The following ALDH4A1 variants were observed in gnomAD, a reference collection of about 807,000 sequenced individuals.
The protein encoded by ALDH4A1 is aldehyde dehydrogenase 4 family member A1, also known as delta-1-pyrroline-5-carboxylate dehydrogenase, mitochondrial.
ALDH4A1 carries 46 observed loss-of-function variants against 70.5 expected under a neutral mutation model. The ratio of observed to expected loss-of-function variants is 0.65; its 90% CI spans 0.51 to 0.83. ALDH4A1 has a LOEUF of 0.83. ALDH4A1 is among the 40% of genes least tolerant of loss of function. The probability of loss-of-function intolerance (pLI) is 0.00; values close to 1 mark genes in which losing one functional copy is unlikely to be tolerated. For synonymous variants in ALDH4A1, 323 were observed against 324.3 expected, an observed-to-expected ratio of 1.00 and a Z score of 0.04; for missense variants, 749 against 766.5, an observed-to-expected ratio of 0.98 and a Z score of 0.27.
At chr1:18,884,865 G>A (rs142510303) in intron 5 of ALDH4A1, among the ~76,000 whole-genome samples, 4 of 152,214 alleles carry the variant, frequency 2.6e-5, no homozygotes, top group Non-Finnish European at 4.4e-5. Context: ...GCACGGAAGA[G>A]ACAGCAGGCA....
chr1:18,897,169 C>T lies in ALDH4A1; in HGVS notation c.62+5293G>A, dbSNP rs181443950. 6.3e-6 allele frequency: 3 copies of T among 477,656 alleles called. No individual in the cohort carries two copies. The East Asian group carries it at 2.0e-4, about 32-fold the overall frequency. The allele number at this position is 477,656 out of a possible 1,614,324, so 29.6% of individuals were successfully genotyped here. A position where few individuals can be genotyped will look rare whatever the true frequency, so the allele number is the denominator to read the frequency against. The stretch of plus-strand genomic sequence containing the variant: ...CGCTCAAAGGAAATGCTCATTGGAG[C>T]ATTTTGGACTTTGGAACTTGGGAGT... On this transcript the variant is annotated intron_variant, in intron 1 of 14. Coordinates refer to ENST00000375341, the MANE Select transcript of ALDH4A1 (RefSeq NM_003748.4).
intron 9 of ALDH4A1, 151 bp downstream of exon 9, chr1:18,879,149 T>A: frequency 1.4e-6 from 1 of 722,598 alleles, no homozygotes; most frequent in Non-Finnish European, 2.4e-6. Flanking sequence ...GCATCCCTCA[T>A]CACAAAAAGT....
In ALDH4A1 at chr1:18,890,736, G is replaced by A. The variant is rs1025597787; in HGVS notation, c.63-631C>T. On this transcript the variant is annotated intron_variant, in intron 1 of 14. Coordinates refer to ENST00000375341, the MANE Select transcript of ALDH4A1 (RefSeq NM_003748.4). ...AAACACACAGATGCAAAACCACGTT[G>A]AAGTATTTTCCACATGCAAAGCGTT... 20 of 985,550 alleles carry A rather than the reference G, an allele frequency of 2.0e-5. No individual in the cohort carries two copies. In the Admixed American group the frequency reaches 3.1e-4, roughly 15 times the overall value. The allele number at this position is 985,550 out of a possible 1,614,324, so 61.1% of individuals were successfully genotyped here.
At chr1:18,877,123 T>G in intron 11 of ALDH4A1, 85 bp downstream of exon 11, 1 of 1,524,478 alleles carries the variant, frequency 6.6e-7, no homozygotes, top group Admixed American at 1.9e-5. Flanking sequence ...ATGCCCTGGG[T>G]CAGGGTACCC....
intron 2 of ALDH4A1, 80 bp downstream of exon 2, chr1:18,889,932 G>A (rs917151338): frequency 3.6e-5 from 44 of 1,221,780 alleles, no homozygotes; most frequent in Middle Eastern, 4.1e-4. Flanking sequence ...CTGCAGGCAC[G>A]GGGCGCTATC....
At chr1:18,877,317 C>T (rs1934743710) in intron 10 of ALDH4A1, 62 bp from the exon 11 acceptor site, 1 of 1,564,176 alleles carries the variant, frequency 6.4e-7, no homozygotes, top group Non-Finnish European at 8.7e-7. Context: ...AGGGAGACCC[C>T]TCCCCGCACA....
At chr1:18,895,481 G>A (rs1418959885) in intron 1 of ALDH4A1, among the ~76,000 whole-genome samples, 1 of 152,190 alleles carries the variant, frequency 6.6e-6, no homozygotes, top group East Asian at 1.9e-4. Flanking sequence ...TGCAAGTACT[G>A]GGATCCGATC....
intron 5 of ALDH4A1, 32 bp downstream of exon 5, chr1:18,885,441 G>GGCCCCC: frequency 4.7e-6 from 2 of 423,744 alleles, no homozygotes; most frequent in South Asian, 2.9e-5. Flanking sequence ...ACCCCACCCC[G>GGCCCCC]CCCCACCCAC....
intron 1 of ALDH4A1, among the ~76,000 whole-genome samples, chr1:18,893,463 G>A (rs1445432880): frequency 6.6e-6 from 1 of 152,068 alleles, no homozygotes; most frequent in African/African-American, 2.4e-5. Context: ...CATGATCCTG[G>A]AAAGCGTCAC....
At chr1:18,882,212 C>A (rs1455833991) in intron 7 of ALDH4A1, among the ~76,000 whole-genome samples, 2 of 152,328 alleles carry the variant, frequency 1.3e-5, no homozygotes, top group Non-Finnish European at 2.9e-5. Flanking sequence ...CCGGGCGCGG[C>A]GGGGCAAGTA....
At chr1:18,887,427 C>G (rs34527859) in intron 3 of ALDH4A1, among the ~76,000 whole-genome samples, 19,981 of 152,146 alleles carry the variant, frequency 0.13, 1,475 homozygotes, top group African/African-American at 0.17. Flanking sequence ...GTGAAACCCT[C>G]TCTCTACTAA....
chr1:18,878,945 T>A (rs888963427), intron 9 of ALDH4A1, among the ~76,000 whole-genome samples: 3 of 152,218 alleles, frequency 2.0e-5, no homozygotes, highest in African/African-American at 7.2e-5. Context: ...GGTCTCTGCA[T>A]TTGCACTTGC....
intron 14 of ALDH4A1, among the ~76,000 whole-genome samples, chr1:18,874,182 A>G (rs1934569553): frequency 6.6e-6 from 1 of 152,178 alleles, no homozygotes; most frequent in African/African-American, 2.4e-5. Context: ...GACTTAAGGG[A>G]CACTGGCTAT....
Position 18,902,463 on chromosome 1 carries a change from C to A in ALDH4A1, c.61G>T (p.Gly21Cys). The change falls in exon 1 of 15, where the codon GGC becomes TGC. Residue 21 changes from glycine (G) to cysteine (C), a missense_variant and splice_region_variant. Physicochemically the swap from Gly to Cys is radical, Grantham distance 159. Transcript: ENST00000375341. ...GCCCCGGGCCCCGTGCTCACTCACC[C>A]GGCCCCGGTCCAGGGGCGGGACAGC... The part of the protein sequence containing the change: ...ALLSRPWTGA[G>C]LRWKHTSSLK... 7.2e-7 allele frequency: 1 copy of A among 1,394,046 alleles called. No homozygotes were observed. Among genetic ancestry groups the A allele is most frequent in the Non-Finnish European group, 9.3e-7 (1 of 1,074,186 alleles). The allele number at this position is 1,394,046 out of a possible 1,614,324, so 86.4% of individuals were successfully genotyped here. A position where few individuals can be genotyped will look rare whatever the true frequency, so the allele number is the denominator to read the frequency against.
intron 7 of ALDH4A1, chr1:18,882,788 G>C (rs1344865946): frequency 5.1e-6 from 3 of 592,420 alleles, no homozygotes; most frequent in Non-Finnish European, 6.5e-6. Flanking sequence ...CACTCAGCCA[G>C]CTCCGGGCCA....
At chr1:18,896,474 A>G (rs1473437220) in intron 1 of ALDH4A1, among the ~76,000 whole-genome samples, 1 of 152,220 alleles carries the variant, frequency 6.6e-6, no homozygotes, top group Non-Finnish European at 1.5e-5. Flanking sequence ...TCTTTGCTTC[A>G]TGCAGCCTCC....
rs1000686385 is a variant in ALDH4A1 at position 18,880,108 on chromosome 1, A to G, written c.867-735T>C. ...GAGCCCAGGGGCCCGTGGCTGGCAG[A>G]GCAGGCCTTTTGGAAAACGGCCCTT... On this transcript the variant is annotated intron_variant, in intron 8 of 14. Coordinates refer to ENST00000375341, the MANE Select transcript of ALDH4A1 (RefSeq NM_003748.4). This position sits in a 1 kb window ranked among gnomAD's most constrained non-coding sequence, Gnocchi z 5.1. Among the ~76,000 whole-genome samples, 1 of 152,162 alleles carries G rather than the reference A, an allele frequency of 6.6e-6. No individual in the cohort carries two copies. The highest frequency in any genetic ancestry group is 1.5e-5 in the Non-Finnish European group (1 of 68,024).
intron 5 of ALDH4A1, 46 bp downstream of exon 5, chr1:18,885,427 T>TCCCCCCCCCCCCCCCCCCCCCCCCCCCCG: frequency 1.5e-6 from 1 of 650,922 alleles, no homozygotes; most frequent in Non-Finnish European, 2.7e-6. Flanking sequence ...CACACCTGAC[T>TCCCCCCCCCCCCCCCCCCCCCCCCCCCCG]CCCACCCCAC....
intron 5 of ALDH4A1, chr1:18,885,201 A>C: frequency 3.9e-6 from 2 of 514,386 alleles, no homozygotes. Flanking sequence ...CAGTCCAGGC[A>C]AAGCATGACA....
Sources: gnomAD v4.1 joint callset for allele counts (sites outside exome capture counted in the v4.1 genomes callset) on GRCh38, gnomAD v4.1.1 for gene constraint, Gnocchi (gnomAD v3.1) non-coding constraint, MANE v1.5 for transcripts, NCBI Gene and HGNC (gene_info 2026-07-23, HGNC 2026-07-21) for gene names.